NPY2R: variants seen among roughly 807,000 people sequenced by gnomAD.
NPY2R encodes the protein neuropeptide Y receptor Y2, also known as neuropeptide Y receptor type 2.
NPY2R carries 17 observed loss-of-function variants against 22.3 expected under a neutral mutation model. The ratio of observed to expected loss-of-function variants is 0.76; its 90% CI spans 0.52 to 1.14. The LOEUF (loss-of-function observed/expected upper bound fraction) is 1.14, where lower values mean the gene tolerates loss of function less well. NPY2R is among the 50% of genes most tolerant of loss of function. NPY2R has a pLI of 0.00. For missense variants in NPY2R, 424 were observed against 467.9 expected (o/e 0.91, Z 0.87); for synonymous variants, 209 against 183.4 (o/e 1.14, Z -1.13).
chr4:155,173,913 A>G, the NPY2R span: 1 of 151,996 alleles, frequency 6.6e-6, no homozygotes, highest in South Asian at 2.1e-4. Flanking sequence ...GTCTAAATTC[A>G]TGCATGAAAA....
chr4:155,206,446 C>G (rs1467648876), upstream of NPY2R: 1 of 152,176 alleles, frequency 6.6e-6, no homozygotes. Context: ...GACTGTGATG[C>G]ACAAAAGTGT....
chr4:155,217,037 G>A lies in NPY2R; in HGVS notation c.*1952G>A, dbSNP rs1729530918. ...AATTCATTAATAAAATACCTTTTAT[G>A]TAGAGGCTTTATGTTGCAATTAAAA... On this transcript the variant is annotated 3_prime_UTR_variant, in exon 2 of 2. Coordinates refer to ENST00000329476, the MANE Select transcript of NPY2R (RefSeq NM_000910.4). 6.0e-6 allele frequency: 1 copy of A among 166,356 alleles called. No individual in the cohort carries two copies. Among genetic ancestry groups the A allele is most frequent in the Admixed American group, 6.6e-5 (1 of 15,258 alleles). 10.3% of individuals were successfully genotyped at this position (166,356 alleles called of 1,614,324 possible).
chr4:155,197,260 A>G, the NPY2R span, among the ~76,000 whole-genome samples: 672 of 152,068 alleles, frequency 4.4e-3, 6 homozygotes, highest in African/African-American at 0.013. Flanking sequence ...GTTTTCAGTA[A>G]TGAGTTTAGT....
At chr4:155,204,353 A>G (rs1729243533), upstream of NPY2R, among the ~76,000 whole-genome samples, 1 of 152,146 alleles carries the variant, frequency 6.6e-6, no homozygotes, top group African/African-American at 2.4e-5. Context: ...GAAATTTTAT[A>G]CTGAACACTT....
Position 155,214,614 on chromosome 4 carries a change from G to A in NPY2R, c.675G>A (p.Leu225=). The A allele has an allele frequency of 6.2e-7, 1 of 1,614,200 alleles. No homozygotes were observed. Among genetic ancestry groups the A allele is most frequent in the Non-Finnish European group, 8.5e-7 (1 of 1,180,036 alleles). The change falls in exon 2 of 2, where the codon TTG becomes TTA. Residue 225 remains leucine, a synonymous_variant. Transcript: ENST00000329476. ...YGTVYSLSSL[L]ILYVLPLGII... ...CTGTCTATAGTCTTTCTTCCTTGTT[G>A]ATCTTGTATGTTTTGCCTCTGGGCA...
At chr4:155,213,563 T>G (rs2111043669) in intron 1 of NPY2R, among the ~76,000 whole-genome samples, 1 of 152,348 alleles carries the variant, frequency 6.6e-6, no homozygotes, top group South Asian at 2.1e-4. Context: ...ATAAAGTTTA[T>G]AATATTCATT....
chr4:155,199,755 G>T, the NPY2R span, among the ~76,000 whole-genome samples: 1 of 152,068 alleles, frequency 6.6e-6, no homozygotes. Context: ...AAGCTATGGG[G>T]AAAGGTTTCC....
the NPY2R span, among the ~76,000 whole-genome samples, chr4:155,176,800 G>A: frequency 2.0e-5 from 3 of 152,070 alleles, no homozygotes; most frequent in Admixed American, 1.3e-4. Context: ...GGTATCTGGC[G>A]GGGACCCAGT....
chr4:155,199,404 T>C, the NPY2R span, among the ~76,000 whole-genome samples: 17 of 152,168 alleles, frequency 1.1e-4, no homozygotes, highest in Admixed American at 3.3e-4. Context: ...TCCTCACAGA[T>C]AGAAAGAATC....
At chr4:155,189,007 G>A in the NPY2R span, among the ~76,000 whole-genome samples, 1 of 152,034 alleles carries the variant, frequency 6.6e-6, no homozygotes, top group Non-Finnish European at 1.5e-5. Flanking sequence ...TTAAATGTGG[G>A]ATGGGGACCA....
At chr4:155,188,781 C>A in the NPY2R span, among the ~76,000 whole-genome samples, 3 of 152,078 alleles carry the variant, frequency 2.0e-5, no homozygotes, top group Non-Finnish European at 4.4e-5. Context: ...GATCCTTTCC[C>A]AGTCAAACCT....
the NPY2R span, among the ~76,000 whole-genome samples, chr4:155,181,617 G>A: frequency 1.3e-5 from 2 of 152,198 alleles, no homozygotes; most frequent in South Asian, 2.1e-4. Flanking sequence ...AGGCCTAAGG[G>A]AGCTTTTGCC....
the NPY2R span, among the ~76,000 whole-genome samples, chr4:155,178,535 T>G: frequency 0.033 from 5,075 of 152,310 alleles, 283 homozygotes; most frequent in African/African-American, 0.12. Context: ...TGTTTAAGTC[T>G]TCTATAACAT....
At chr4:155,194,601 T>C in the NPY2R span, among the ~76,000 whole-genome samples, 5 of 152,048 alleles carry the variant, frequency 3.3e-5, no homozygotes, top group Non-Finnish European at 7.4e-5. Flanking sequence ...GGCTGTGTAG[T>C]ATTCCATGGT....
the NPY2R span, among the ~76,000 whole-genome samples, chr4:155,186,526 T>G: frequency 4.0e-4 from 61 of 152,288 alleles, no homozygotes; most frequent in Middle Eastern, 3.4e-3. Context: ...ATGTTTGCAT[T>G]GTGGATTGGC....
At chr4:155,185,338 A>C in the NPY2R span, among the ~76,000 whole-genome samples, 139 of 152,242 alleles carry the variant, frequency 9.1e-4, no homozygotes, top group African/African-American at 3.1e-3. Context: ...GCGCCCAGCC[A>C]ACATATATTT....
chr4:155,199,508 A>G, the NPY2R span, among the ~76,000 whole-genome samples: 1 of 152,252 alleles, frequency 6.6e-6, no homozygotes, highest in East Asian at 1.9e-4. Context: ...AGAATTAGAA[A>G]AAAAACTACT....
chr4:155,177,416 A>T, the NPY2R span, among the ~76,000 whole-genome samples: 1 of 152,162 alleles, frequency 6.6e-6, no homozygotes, highest in Non-Finnish European at 1.5e-5. Context: ...AACAAGGCAA[A>T]CAACATTAAC....
At chr4:155,184,874 T>A in the NPY2R span, among the ~76,000 whole-genome samples, 1 of 151,382 alleles carries the variant, frequency 6.6e-6, no homozygotes, top group Non-Finnish European at 1.5e-5. Flanking sequence ...TGTTTCTGAA[T>A]TCTGTCAGTG....
Sources: gnomAD v4.1 joint callset for allele counts (sites outside exome capture counted in the v4.1 genomes callset) on GRCh38, gnomAD v4.1.1 for gene constraint, MANE v1.5 for transcripts, NCBI Gene and HGNC (gene_info 2026-07-23, HGNC 2026-07-21) for gene names.